PFKP: variants seen among roughly 807,000 people sequenced by gnomAD.
PFKP encodes ATP-dependent 6-phosphofructokinase, platelet type.
In PFKP, 101 loss-of-function variants were observed where a neutral mutation model predicts 94.3. The observed-to-expected ratio is 1.07, with a 90% CI of 0.91 to 1.26. The LOEUF is 1.26. PFKP is among the 50% of genes most tolerant of loss of function. The pLI is 0.00. For synonymous variants in PFKP, 573 were observed against 432.6 expected (o/e 1.32, Z -4.03); for missense variants, 1,145 against 1,103.3 (o/e 1.04, Z -0.53).
chr10:3,114,654 G>T (rs908120836), intron 13 of PFKP, among the ~76,000 whole-genome samples: 13 of 152,240 alleles, frequency 8.5e-5, no homozygotes, highest in Non-Finnish European at 1.6e-4. Context: ...GCTGGGGAAG[G>T]TGCTCCCAGG....
chr10:3,110,940 GGTA>G (rs903260112), intron 10 of PFKP, among the ~76,000 whole-genome samples: 8 of 151,926 alleles, frequency 5.3e-5, no homozygotes, highest in South Asian at 2.1e-4. Flanking sequence ...GTTTTTGTGA[GGTA>G]GTGTGTGTGC....
At chr10:3,134,212 G>A (rs983439730) in intron 19 of PFKP, among the ~76,000 whole-genome samples, 3 of 152,192 alleles carry the variant, frequency 2.0e-5, no homozygotes, top group Non-Finnish European at 4.4e-5. Context: ...ATGAGTTCAT[G>A]AAATCCTGAT....
rs758265916 is a variant in PFKP at position 3,120,012 on chromosome 10, G to A, written c.1651G>A (p.Gly551Arg). 7.4e-6 allele frequency: 12 copies of A among 1,614,004 alleles called. No homozygotes were observed. The Admixed American group carries it at 8.3e-5, about 11-fold the overall frequency. Reference sequence around the variant, plus strand: ...TGTGCCGGGTTCCGATTTCAGCATCGGGGCAGACACCGCCCTGAACACTAT... The same window carrying A: ...TGTGCCGGGTTCCGATTTCAGCATCAGGGCAGACACCGCCCTGAACACTAT... ...NNVPGSDFSI[G>R]ADTALNTITD... is the part of the protein sequence containing the mutation. The change falls in exon 16 of 22, where the codon GGG becomes AGG. Residue 551 changes from glycine (G) to arginine (R), a missense_variant. By Grantham distance (125) the Gly-to-Arg change is moderately radical. This residue lies in a region of PFKP where 1,119 missense variants were observed against 1,062.8 expected (regional missense o/e 1.05). Transcript: ENST00000381125.
intron 3 of PFKP, chr10:3,100,869 A>AAAAAAAAAAAAAT: frequency 9.8e-7 from 1 of 1,016,966 alleles, no homozygotes; most frequent in Non-Finnish European, 1.5e-6. Context: ...GTGCAAAAAA[A>AAAAAAAAAAAAAT]AAAAAAAAAA....
At chr10:3,109,285 A>G (rs1588491129) in intron 9 of PFKP, 70 bp from the exon 10 acceptor site, 4 of 1,592,774 alleles carry the variant, frequency 2.5e-6, no homozygotes, top group South Asian at 1.1e-5. Context: ...GACGTCATGG[A>G]AAGATAGGAG....
rs762268431 is a variant in PFKP at position 3,119,921 on chromosome 10, C to T, written c.1560C>T (p.Ala520=). ...ACCTGGGACTCCTGGAGCTGTCAGCCGCCCGGGAGAAGCACGAGGAGTTCT... is the reference window on the plus strand; with the variant it reads ...ACCTGGGACTCCTGGAGCTGTCAGCTGCCCGGGAGAAGCACGAGGAGTTCT... The part of the protein sequence containing the change: ...EAYLGLLELS[A]AREKHEEFCV... The change falls in exon 16 of 22, where the codon GCC becomes GCT. Residue 520 remains alanine, a synonymous_variant. Transcript: ENST00000381125. 2.2e-5 allele frequency: 36 copies of T among 1,614,030 alleles called. No individual in the cohort carries two copies. The highest frequency in any genetic ancestry group is 1.3e-4 in the South Asian group (12 of 91,086).
intron 3 of PFKP, among the ~76,000 whole-genome samples, chr10:3,100,530 C>T (rs970142805): frequency 7.2e-5 from 11 of 152,140 alleles, no homozygotes; most frequent in African/African-American, 2.7e-4. Flanking sequence ...TCGAAACACG[C>T]ACTCACGTCA....
intron 17 of PFKP, among the ~76,000 whole-genome samples, chr10:3,130,794 T>TG (rs1490722765): frequency 2.0e-5 from 3 of 152,134 alleles, no homozygotes; most frequent in Admixed American, 1.3e-4. Context: ...TCTGACCTCG[T>TG]GATCTGCCCA....
intron 2 of PFKP, among the ~76,000 whole-genome samples, chr10:3,087,367 TGTCTGGACGAG>T (rs923736580): frequency 5.9e-5 from 9 of 152,178 alleles, no homozygotes; most frequent in African/African-American, 2.2e-4. Context: ...CCGCAGGTGC[TGTCTGGACGAG>T]GTCTGGACAA....
intron 1 of PFKP, among the ~76,000 whole-genome samples, chr10:3,081,345 C>T (rs1305641834): frequency 6.6e-6 from 1 of 152,266 alleles, no homozygotes; most frequent in Non-Finnish European, 1.5e-5. Flanking sequence ...TGCAGGACCA[C>T]AGTCCTTTCA....
chr10:3,135,098 A>T (rs1200679197), intron 20 of PFKP, among the ~76,000 whole-genome samples: 2 of 152,206 alleles, frequency 1.3e-5, no homozygotes, highest in African/African-American at 2.4e-5. Context: ...TTCAAGAAAC[A>T]TGACTTTTTT....
At chr10:3,084,827 GTCCCAAGCACAGTCCTCCACCCCC>G (rs1313384255) in intron 2 of PFKP, among the ~76,000 whole-genome samples, 1 of 46,538 alleles carries the variant, frequency 2.1e-5, no homozygotes, top group African/African-American at 8.1e-5. Context: ...CTTCCACCTC[GTCCCAAGCACAGTCCTCCACCCCC>G]TCCCCAGCAC....
At chr10:3,089,168 G>T (rs1311806667) in intron 2 of PFKP, among the ~76,000 whole-genome samples, 1 of 152,080 alleles carries the variant, frequency 6.6e-6, no homozygotes, top group Admixed American at 6.6e-5. Flanking sequence ...CCTGACCTCA[G>T]GTGATCCTGC....
At chr10:3,107,923 G>A in intron 8 of PFKP, 2 of 1,289,612 alleles carry the variant, frequency 1.6e-6, no homozygotes, top group South Asian at 1.2e-5. Flanking sequence ...GCTGGGGATG[G>A]GCTGTGGCTC....
chr10:3,110,640 T>C (rs1836106167), intron 10 of PFKP, among the ~76,000 whole-genome samples: 1 of 152,168 alleles, frequency 6.6e-6, no homozygotes, highest in Non-Finnish European at 1.5e-5. Flanking sequence ...GTAAACATAA[T>C]TTCCAAAAGC....
rs761714354 is a variant in PFKP at position 3,109,366 on chromosome 10, G to A, written c.975G>A (p.Met325Ile). 1.6e-5 allele frequency: 25 copies of A among 1,610,138 alleles called. No homozygotes were observed. The Admixed American group carries it at 4.2e-4, about 27-fold the overall frequency. The change falls in exon 10 of 22, where the codon ATG becomes ATA. Residue 325 changes from methionine to isoleucine, a missense_variant. This residue lies in a region of PFKP where 1,119 missense variants were observed against 1,062.8 expected (regional missense o/e 1.05). Transcript: ENST00000381125. ...GACCTGGTTTCCAGGCCAGCCGCAT[G>A]GGAGTGGAGGCAGTCATCGCCTTGC... ...SAFDRILASR[M>I]GVEAVIALLE...
At chr10:3,121,063 A>G (rs1016007049) in intron 16 of PFKP, among the ~76,000 whole-genome samples, 1 of 108,492 alleles carries the variant, frequency 9.2e-6, no homozygotes, top group African/African-American at 3.2e-5. Flanking sequence ...ACTGGTAAAT[A>G]AAAAAACAAG....
At chr10:3,136,337 G>GC (rs2131762284) in intron 21 of PFKP, 113 bp from the exon 22 acceptor site, 1 of 1,057,094 alleles carries the variant, frequency 9.5e-7, no homozygotes, top group South Asian at 1.5e-5. Context: ...AGTTGATTCA[G>GC]CCGACCCTAC....
intron 8 of PFKP, among the ~76,000 whole-genome samples, 185 bp from the exon 9 acceptor site, chr10:3,108,516 C>G (rs575838026): frequency 6.6e-5 from 10 of 152,104 alleles, no homozygotes; most frequent in Non-Finnish European, 1.0e-4. Context: ...TTTTTAAAAC[C>G]AATTTTCAGC....
Sources: allele counts gnomAD v4.1 joint callset (sites outside exome capture counted in the v4.1 genomes callset), GRCh38; gene constraint gnomAD v4.1.1; regional missense constraint gnomAD v4.1.1; transcripts MANE v1.5; gene names NCBI Gene and HGNC (gene_info 2026-07-23, HGNC 2026-07-21).